The following RERE variants were observed in gnomAD, a reference collection of about 807,000 sequenced individuals.
RERE encodes arginine-glutamic acid dipeptide repeats protein.
A neutral mutation model predicts 146.1 loss-of-function variants in RERE; 40 were observed. The ratio of observed to expected loss-of-function variants is 0.27; its 90% CI spans 0.21 to 0.36. RERE has a LOEUF of 0.36. Among genes scored for constraint, RERE ranks in the 10% least tolerant of loss-of-function variants. The pLI, the probability that RERE is intolerant of heterozygous loss-of-function variation, is 1.00. For missense variants in RERE, 1,933 were observed against 2,138.7 expected, an observed-to-expected ratio of 0.90 and a Z score of 1.90; for synonymous variants, 1,003 against 866.0, an observed-to-expected ratio of 1.16 and a Z score of -2.78.
chr1:8,815,829 TTG>T lies in RERE; in HGVS notation c.-145+1329_-145+1330del, dbSNP rs539845789. ...AGAACAATGAGCCCTCAGCTTGGTATTGTGTGTGTGTGTATGTGTGTGTGTGT... is the reference window on the plus strand; with the variant it reads ...AGAACAATGAGCCCTCAGCTTGGTATTGTGTGTGTGTATGTGTGTGTGTGT... On this transcript the variant is annotated intron_variant, in intron 1 of 22. Coordinates refer to ENST00000400908, the MANE Select transcript of RERE (RefSeq NM_001042681.2). 2.7e-5 allele frequency among the ~76,000 whole-genome samples: 4 copies of T among 149,838 alleles called. No homozygotes were observed. The East Asian group carries it at 7.8e-4, about 29-fold the overall frequency.
At chr1:8,729,078 C>T (rs1640029497) in intron 1 of RERE, among the ~76,000 whole-genome samples, 2 of 151,840 alleles carry the variant, frequency 1.3e-5, no homozygotes, top group Admixed American at 6.6e-5. Flanking sequence ...GGCAGAGAAT[C>T]GTTTGAACCC....
intron 11 of RERE, among the ~76,000 whole-genome samples, chr1:8,452,546 G>A (rs1425245512): frequency 1.3e-5 from 2 of 151,976 alleles, no homozygotes; most frequent in Admixed American, 1.3e-4. Context: ...TCTAAGTCTT[G>A]TTTCCAAAAA....
At chr1:8,415,714 T>G (rs1217054045) in intron 12 of RERE, among the ~76,000 whole-genome samples, 1 of 152,234 alleles carries the variant, frequency 6.6e-6, no homozygotes, top group African/African-American at 2.4e-5. Context: ...TAGATTACCC[T>G]CACGAAAACT....
chr1:8,656,210 T>G lies in RERE; in HGVS notation c.88A>C (p.Arg30=). ...DREREKRDKA[R]ESENSRPRRS... Reference sequence around the variant, plus strand: ...CGTGGCCTTGAATTCTCACTCTCTCTTGCTTTGTCTCTTTTCTCTCTCTCT... The same window carrying G: ...CGTGGCCTTGAATTCTCACTCTCTCGTGCTTTGTCTCTTTTCTCTCTCTCT... Residue 30 remains arginine, a synonymous_variant, in exon 2 of 23, where the codon AGA becomes CGA. Transcript: ENST00000400908. 1.2e-6 allele frequency: 2 copies of G among 1,613,732 alleles called. No homozygotes were observed. Among genetic ancestry groups the G allele is most frequent in the Non-Finnish European group, 8.5e-7 (1 of 1,179,594 alleles).
At chr1:8,692,083 G>T (rs1639218853) in intron 1 of RERE, among the ~76,000 whole-genome samples, 1 of 152,130 alleles carries the variant, frequency 6.6e-6, no homozygotes. Context: ...AGCAAATAAG[G>T]ACCTTAGCAG....
chr1:8,362,614 A>G, intron 16 of RERE, 69 bp downstream of exon 16: 2 of 1,591,312 alleles, frequency 1.3e-6, no homozygotes, highest in Admixed American at 3.4e-5. Context: ...GCTGATCACG[A>G]ATACCAGCAA....
chr1:8,806,315 G>A (rs1028876905), intron 1 of RERE, among the ~76,000 whole-genome samples: 7 of 151,944 alleles, frequency 4.6e-5, no homozygotes, highest in East Asian at 3.9e-4. Context: ...GCAGATCACC[G>A]GAGGTCAGGA....
intron 11 of RERE, 43 bp downstream of exon 11, chr1:8,465,882 C>T: frequency 6.5e-7 from 1 of 1,546,906 alleles, no homozygotes; most frequent in Non-Finnish European, 8.9e-7. Context: ...ACGCCGGTGG[C>T]CCGATGCCCC....
Position 8,775,229 on chromosome 1 carries a change from G to T in RERE, c.-145+41931C>A, listed in dbSNP as rs548890505. Among the ~76,000 whole-genome samples the T allele has an allele frequency of 2.0e-5, 3 of 152,064 alleles. No individual in the cohort carries two copies. In the East Asian group the frequency reaches 5.8e-4, roughly 29 times the overall value. Reference sequence around the variant, plus strand: ...CTGCCTCAGCCTCCCAAAGTGCTGGGATTACAGGCATGAGTCACCACACCC... The same window carrying T: ...CTGCCTCAGCCTCCCAAAGTGCTGGTATTACAGGCATGAGTCACCACACCC... On this transcript the variant is annotated intron_variant, in intron 1 of 22. Coordinates refer to ENST00000400908, the MANE Select transcript of RERE (RefSeq NM_001042681.2).
intron 1 of RERE, among the ~76,000 whole-genome samples, chr1:8,710,963 C>T (rs1475693209): frequency 6.6e-6 from 1 of 151,852 alleles, no homozygotes; most frequent in East Asian, 1.9e-4. Flanking sequence ...TCAAAACCAG[C>T]CTGACCAACA....
chr1:8,534,587 C>T (rs1307659834), intron 7 of RERE, among the ~76,000 whole-genome samples: 1 of 152,098 alleles, frequency 6.6e-6, no homozygotes, highest in Non-Finnish European at 1.5e-5. Context: ...TATCATTCTC[C>T]AAACACTGGG....
chr1:8,672,587 T>A (rs1638742791), intron 1 of RERE, among the ~76,000 whole-genome samples: 1 of 152,226 alleles, frequency 6.6e-6, no homozygotes, highest in South Asian at 2.1e-4. Context: ...TCTACTCCTG[T>A]GCAAACACAT....
chr1:8,597,008 A>T (rs1646562687), intron 4 of RERE, among the ~76,000 whole-genome samples: 2 of 152,206 alleles, frequency 1.3e-5, no homozygotes, highest in Admixed American at 1.3e-4. Context: ...ACGAGCCAAT[A>T]AAAGGAAAAG....
intron 4 of RERE, among the ~76,000 whole-genome samples, chr1:8,585,391 A>G (rs1169378040): frequency 6.6e-6 from 1 of 152,244 alleles, no homozygotes; most frequent in Non-Finnish European, 1.5e-5. Flanking sequence ...TCATTAGTAT[A>G]TAAATCAAGA....
intron 4 of RERE, among the ~76,000 whole-genome samples, chr1:8,594,317 G>A (rs1646529930): frequency 2.6e-5 from 4 of 152,048 alleles, no homozygotes; most frequent in African/African-American, 7.2e-5. Context: ...ATCTCATCAC[G>A]ACTGTACATA....
At chr1:8,545,288 G>A (rs557878739) in intron 6 of RERE, among the ~76,000 whole-genome samples, 1 of 152,124 alleles carries the variant, frequency 6.6e-6, no homozygotes, top group African/African-American at 2.4e-5. Flanking sequence ...TAAAAAAGGC[G>A]TCCCGGAAAT....
chr1:8,488,331 C>G (rs1487899295), intron 10 of RERE, among the ~76,000 whole-genome samples: 1 of 151,982 alleles, frequency 6.6e-6, no homozygotes, highest in South Asian at 2.1e-4. Context: ...CTGTAACCTC[C>G]GCCTCCCGGG....
chr1:8,756,677 T>G (rs562225000), intron 1 of RERE, among the ~76,000 whole-genome samples: 9 of 152,194 alleles, frequency 5.9e-5, no homozygotes, highest in Non-Finnish European at 1.2e-4. Flanking sequence ...TTTTTGAAAG[T>G]TTTCTTTGAA....
Position 8,607,534 on chromosome 1 carries a change from C to CTTTTTTTTTTTTTTT in RERE, c.522+7012_522+7026dup, listed in dbSNP as rs1167501074. On this transcript the variant is annotated intron_variant, in intron 4 of 22. Transcript: ENST00000400908. ...CGCATATTTGTTTTTATATATATTT[C>CTTTTTTTTTTTTTTT]TTTTTTTTTTTTTTTTTTTTTTTTT... Among the ~76,000 whole-genome samples, 125 of 48,580 alleles carry CTTTTTTTTTTTTTTT rather than the reference C, an allele frequency of 2.6e-3. 29 individuals carry two copies. Among genetic ancestry groups the CTTTTTTTTTTTTTTT allele is most frequent in the East Asian group, 6.9e-3 (8 of 1,158 alleles). 31.9% of individuals were successfully genotyped at this position (48,580 alleles called of 152,430 possible).
Sources: allele counts gnomAD v4.1 joint callset (sites outside exome capture counted in the v4.1 genomes callset), GRCh38; gene constraint gnomAD v4.1.1; transcripts MANE v1.5; gene names NCBI Gene and HGNC (gene_info 2026-07-23, HGNC 2026-07-21).